The following ACYP2 variants were observed in gnomAD, a reference collection of about 807,000 sequenced individuals.
The protein encoded by ACYP2 is acylphosphatase 2, also known as acylphosphatase-2.
ACYP2 carries 12 observed loss-of-function variants against 11.2 expected under a neutral mutation model. The ratio of observed to expected loss-of-function variants is 1.08; its 90% CI spans 0.69 to 1.74. The LOEUF is 1.74. Among genes scored for constraint, ACYP2 ranks in the 40% most tolerant of loss-of-function variants. The pLI, the probability that ACYP2 is intolerant of heterozygous loss-of-function variation, is 0.00. For synonymous variants in ACYP2, 43 were observed against 32.2 expected (o/e 1.33, Z -1.13); for missense variants, 134 against 101.9 (o/e 1.31, Z -1.35).
At chr2:54,225,688 A>G (rs1236208612) in intron 6 of ACYP2, among the ~76,000 whole-genome samples, 1 of 152,196 alleles carries the variant, frequency 6.6e-6, no homozygotes, top group East Asian at 1.9e-4. Flanking sequence ...TTTAAAGGAA[A>G]TAAGTGTATA....
intron 6 of ACYP2, among the ~76,000 whole-genome samples, chr2:54,281,594 C>T (rs6761289): frequency 1.3e-5 from 2 of 152,046 alleles, no homozygotes; most frequent in Non-Finnish European, 2.9e-5. Flanking sequence ...CTGGTGAAAC[C>T]CTTATGCTCA....
intron 3 of ACYP2, among the ~76,000 whole-genome samples, chr2:54,053,609 T>C (rs1357876748): frequency 6.6e-6 from 1 of 152,206 alleles, no homozygotes; most frequent in East Asian, 1.9e-4. Flanking sequence ...GTTACTTCTT[T>C]CCTGGCAACT....
At chr2:54,262,566 T>C (rs1687826010) in intron 6 of ACYP2, among the ~76,000 whole-genome samples, 1 of 152,206 alleles carries the variant, frequency 6.6e-6, no homozygotes, top group East Asian at 1.9e-4. Flanking sequence ...GATGTCATCA[T>C]TACCATAAGA....
intron 2 of ACYP2, among the ~76,000 whole-genome samples, chr2:53,974,821 A>G (rs1258563967): frequency 6.6e-6 from 1 of 152,168 alleles, no homozygotes; most frequent in African/African-American, 2.4e-5. Context: ...CTCTAGAGAT[A>G]ATTGAGTTGA....
chr2:54,124,709 T>G (rs1435464884), intron 4 of ACYP2, among the ~76,000 whole-genome samples: 5 of 151,950 alleles, frequency 3.3e-5, no homozygotes, highest in Non-Finnish European at 5.9e-5. Context: ...ATTTGTTTTT[T>G]TATTTGTTTG....
chr2:54,242,377 C>CATTTCACCTTG (rs1300700372), intron 6 of ACYP2, among the ~76,000 whole-genome samples: 1 of 152,190 alleles, frequency 6.6e-6, no homozygotes, highest in Non-Finnish European at 1.5e-5. Flanking sequence ...TTGTCTTGCC[C>CATTTCACCTTG]ATTTCACCTT....
At chr2:54,100,375 T>C (rs1678828810) in intron 4 of ACYP2, among the ~76,000 whole-genome samples, 1 of 151,162 alleles carries the variant, frequency 6.6e-6, no homozygotes, top group African/African-American at 2.4e-5. Context: ...TGATCACGGC[T>C]CACTGAAGCC....
At chr2:54,226,105 T>C (rs1463684253) in intron 6 of ACYP2, among the ~76,000 whole-genome samples, 5 of 152,236 alleles carry the variant, frequency 3.3e-5, no homozygotes, top group Non-Finnish European at 5.9e-5. Flanking sequence ...CTTGTCCTAA[T>C]TGTTCACCTT....
chr2:54,061,497 T>C (rs955981578), intron 4 of ACYP2, among the ~76,000 whole-genome samples: 1 of 152,186 alleles, frequency 6.6e-6, no homozygotes, highest in African/African-American at 2.4e-5. Flanking sequence ...GATGTTGTTT[T>C]CTTACTGGTG....
intron 6 of ACYP2, among the ~76,000 whole-genome samples, chr2:54,159,155 G>C (rs3738854): frequency 0.16 from 24,262 of 151,412 alleles, 2,104 homozygotes; most frequent in East Asian, 0.25. Context: ...GGCTGCTAAA[G>C]TCAAGCTCCC....
chr2:53,981,843 A>C lies in ACYP2; in HGVS notation c.62+8033A>C, dbSNP rs937005865. 2.0e-5 allele frequency among the ~76,000 whole-genome samples: 3 copies of C among 152,182 alleles called. No homozygotes were observed. The East Asian group carries it at 5.8e-4, about 29-fold the overall frequency. On this transcript the variant is annotated intron_variant, in intron 2 of 6. Transcript: ENST00000607452. ...CACTCTGATGTTTGTACAATGATGA[A>C]ATCGCCTAACAATACATTTCTCAAA...
chr2:54,089,278 A>G (rs1418243512), intron 4 of ACYP2, among the ~76,000 whole-genome samples: 2 of 149,744 alleles, frequency 1.3e-5, no homozygotes, highest in Non-Finnish European at 3.0e-5. Context: ...TAACTTGCTA[A>G]CTAAGTATTT....
chr2:54,102,216 A>C (rs1415254157), intron 4 of ACYP2, among the ~76,000 whole-genome samples: 6 of 152,218 alleles, frequency 3.9e-5, no homozygotes, highest in Non-Finnish European at 1.5e-5. Context: ...ACTGGGTATT[A>C]CTATTTTTAA....
At chr2:54,296,207 G>C (rs189451400) in intron 6 of ACYP2, among the ~76,000 whole-genome samples, 1 of 152,206 alleles carries the variant, frequency 6.6e-6, no homozygotes, top group Admixed American at 6.6e-5. Context: ...TTTCACATAG[G>C]GGCAGTCAAA....
rs371455245 is a variant in ACYP2, at chr2:54,195,065, A to G, written c.404+56317A>G. On this transcript the variant is annotated intron_variant, in intron 6 of 6. Transcript: ENST00000607452. ...CAAAATTCAGTGGCTAAACTGCTTC[A>G]CTCTTTTCTTTTTAGTCATATTTAC... Among the ~76,000 whole-genome samples, 23 of 152,174 alleles carry G rather than the reference A, an allele frequency of 1.5e-4. 1 individual carries two copies. The South Asian group carries it at 4.8e-3, about 32-fold the overall frequency.
At chr2:54,133,039 C>T (rs1156649611) in intron 4 of ACYP2, among the ~76,000 whole-genome samples, 3 of 152,118 alleles carry the variant, frequency 2.0e-5, no homozygotes, top group South Asian at 2.1e-4. Context: ...CCACCACACC[C>T]GGCCCAATGA....
At chr2:54,205,183 CA>C (rs1558612211) in intron 6 of ACYP2, among the ~76,000 whole-genome samples, 1 of 152,188 alleles carries the variant, frequency 6.6e-6, no homozygotes, top group African/African-American at 2.4e-5. Context: ...TATGTATTCT[CA>C]AGCACCTGCA....
intron 4 of ACYP2, among the ~76,000 whole-genome samples, chr2:54,113,509 A>G (rs1679569161): frequency 6.6e-6 from 1 of 151,978 alleles, no homozygotes; most frequent in Non-Finnish European, 1.5e-5. Context: ...GCCTCCCAAC[A>G]TGTTGGGATT....
At chr2:54,053,845 C>T (rs184998414) in intron 3 of ACYP2, among the ~76,000 whole-genome samples, 1 of 152,302 alleles carries the variant, frequency 6.6e-6, no homozygotes, top group East Asian at 1.9e-4. Flanking sequence ...GTTTAAATTA[C>T]TATGTGGTTT....
Sources: gnomAD v4.1 joint callset for allele counts (sites outside exome capture counted in the v4.1 genomes callset) on GRCh38, gnomAD v4.1.1 for gene constraint, MANE v1.5 for transcripts, NCBI Gene and HGNC (gene_info 2026-07-23, HGNC 2026-07-21) for gene names.